Variants in CACNG5 observed in about 807,000 individuals in gnomAD.
CACNG5 encodes voltage-dependent calcium channel gamma-5 subunit.
Under a neutral mutation model 24.8 loss-of-function variants are expected in CACNG5, and 18 were observed. That is an observed-to-expected ratio of 0.73 (90% CI 0.50 to 1.08). The LOEUF (loss-of-function observed/expected upper bound fraction) is 1.08, where lower values mean the gene tolerates loss of function less well. CACNG5 is among the 50% of genes least tolerant of loss of function. The pLI is 0.00. For synonymous variants in CACNG5, 157 were observed against 149.1 expected, an observed-to-expected ratio of 1.05 and a Z score of -0.39; for missense variants, 349 against 367.9, an observed-to-expected ratio of 0.95 and a Z score of 0.42.
At chr17:66,874,384 A>G (rs1412561686) in intron 1 of CACNG5, among the ~76,000 whole-genome samples, 1 of 152,198 alleles carries the variant, frequency 6.6e-6, no homozygotes, top group Admixed American at 6.5e-5. Context: ...ATTTATAAAG[A>G]AAAGAGGTTT....
intron 1 of CACNG5, among the ~76,000 whole-genome samples, chr17:66,847,133 G>A (rs1221853063): frequency 6.6e-6 from 1 of 152,178 alleles, no homozygotes; most frequent in African/African-American, 2.4e-5. Context: ...TCAGAGGCTT[G>A]AGGCTTGAAG....
chr17:66,878,872 G>A, intron 2 of CACNG5, 100 bp from the exon 3 acceptor site: 2 of 994,346 alleles, frequency 2.0e-6, no homozygotes, highest in Non-Finnish European at 3.1e-6. Flanking sequence ...GACACAGCAG[G>A]TCAAAGATCC....
At chr17:66,878,245 A>G (rs560579820) in intron 2 of CACNG5, among the ~76,000 whole-genome samples, 3 of 152,344 alleles carry the variant, frequency 2.0e-5, no homozygotes, top group African/African-American at 4.8e-5. Flanking sequence ...AAGTCATACA[A>G]GAATAGCTGC....
chr17:66,858,682 C>T (rs1976815009), intron 1 of CACNG5, among the ~76,000 whole-genome samples: 1 of 140,156 alleles, frequency 7.1e-6, no homozygotes. Context: ...GCCCCCCCTC[C>T]CTCCCCCCAC....
At chr17:66,865,895 C>A (rs1221750974) in intron 1 of CACNG5, among the ~76,000 whole-genome samples, 5 of 151,648 alleles carry the variant, frequency 3.3e-5, no homozygotes, top group African/African-American at 1.2e-4. Flanking sequence ...CCCACCTCAG[C>A]CTCCCAAAGT....
chr17:66,850,003 G>T (rs1976692315), intron 1 of CACNG5, among the ~76,000 whole-genome samples: 1 of 152,204 alleles, frequency 6.6e-6, no homozygotes, highest in African/African-American at 2.4e-5. Context: ...TTCAGGAGGT[G>T]GGTCCCGGTA....
chr17:66,877,598 G>A, intron 2 of CACNG5, 70 bp downstream of exon 2: 1 of 1,335,510 alleles, frequency 7.5e-7, no homozygotes, highest in Non-Finnish European at 1.1e-6. Context: ...CCCTCCCTGG[G>A]AAGAGATGGC....
chr17:66,878,179 T>C (rs1253477555), intron 2 of CACNG5, among the ~76,000 whole-genome samples: 2 of 152,230 alleles, frequency 1.3e-5, no homozygotes, highest in African/African-American at 4.8e-5. Flanking sequence ...CCAAGAATTC[T>C]ATCCTTTATC....
chr17:66,838,180 C>T (rs2144493638), intron 1 of CACNG5, among the ~76,000 whole-genome samples: 1 of 151,876 alleles, frequency 6.6e-6, no homozygotes, highest in Middle Eastern at 3.4e-3. Context: ...AGCAAAATGA[C>T]AGAGTATACC....
chr17:66,839,856 G>A (rs1028997558), intron 1 of CACNG5, among the ~76,000 whole-genome samples: 6 of 152,148 alleles, frequency 3.9e-5, no homozygotes, highest in Middle Eastern at 3.2e-3. Context: ...AAGTCCTGTC[G>A]GGTAAGTGTT....
chr17:66,877,108 G>A, intron 1 of CACNG5, 122 bp from the exon 2 acceptor site: 3 of 521,104 alleles, frequency 5.8e-6, no homozygotes, highest in Non-Finnish European at 1.0e-5. Flanking sequence ...GGGTTAGGGG[G>A]AGGGTGGCAC....
intron 1 of CACNG5, among the ~76,000 whole-genome samples, chr17:66,849,218 C>T (rs908512945): frequency 3.9e-5 from 6 of 152,160 alleles, no homozygotes; most frequent in African/African-American, 9.7e-5. Flanking sequence ...CCTCTTCCCT[C>T]CGGATGGGAA....
In CACNG5 at chr17:66,859,301, C is replaced by T. The variant is rs115349423; in HGVS notation, c.-103-17929C>T. On this transcript the variant is annotated intron_variant, in intron 1 of 5. Transcript: ENST00000533854. Reference sequence around the variant, plus strand: ...AACTCAGGGCTTATGGCTGTTGTGTCTGGACCCCCAGCAACCTGTCTAGTT... The same window carrying T: ...AACTCAGGGCTTATGGCTGTTGTGTTTGGACCCCCAGCAACCTGTCTAGTT... Among the ~76,000 whole-genome samples the T allele has an allele frequency of 7.4e-3, 1,119 of 152,230 alleles. 16 individuals carry two copies. Among genetic ancestry groups the T allele is most frequent in the African/African-American group, 0.025 (1,057 of 41,526 alleles).
intron 1 of CACNG5, among the ~76,000 whole-genome samples, chr17:66,857,151 G>C (rs538648675): frequency 8.3e-6 from 1 of 120,720 alleles, no homozygotes; most frequent in Non-Finnish European, 1.6e-5. Flanking sequence ...CCTCCTCCCC[G>C]TGGCTCAAGG....
At chr17:66,862,597 T>C (rs1201996284) in intron 1 of CACNG5, among the ~76,000 whole-genome samples, 1 of 152,184 alleles carries the variant, frequency 6.6e-6, no homozygotes, top group Admixed American at 6.5e-5. Context: ...CTTCGTCATA[T>C]GTAATAGTTA....
rs3760264 is a variant in CACNG5 at position 66,875,826 on chromosome 17, C to T, written c.-103-1404C>T. Among the ~76,000 whole-genome samples the T allele has an allele frequency of 7.4e-4, 112 of 152,198 alleles. 1 individual carries two copies. The highest frequency in any genetic ancestry group is 1.0e-3 in the Non-Finnish European group (68 of 68,028). On this transcript the variant is annotated intron_variant, in intron 1 of 5. Transcript: ENST00000533854. ...TGAAAGATGCCGACAGGATAGCAAA[C>T]TTGCAGCCAAGGGTGGCTTGGGTGA...
At chr17:66,879,275 T>C (rs12942124) in intron 3 of CACNG5, among the ~76,000 whole-genome samples, 5,421 of 152,314 alleles carry the variant, frequency 0.036, 133 homozygotes, top group Non-Finnish European at 0.048. Flanking sequence ...CAGGCATCAA[T>C]CAGGGAACTG....
At chr17:66,884,911 T>C in intron 5 of CACNG5, 72 bp from the exon 6 acceptor site, 2 of 1,613,856 alleles carry the variant, frequency 1.2e-6, no homozygotes, top group Non-Finnish European at 1.7e-6. Flanking sequence ...CTGTGTCCTG[T>C]GCAGACCCCA....
At chr17:66,860,835 C>T (rs1000952418) in intron 1 of CACNG5, among the ~76,000 whole-genome samples, 9 of 151,332 alleles carry the variant, frequency 5.9e-5, no homozygotes, top group Non-Finnish European at 1.3e-4. Context: ...TTTCTTAAAA[C>T]ATTATATAAG....
Sources: gnomAD v4.1 joint callset for allele counts (sites outside exome capture counted in the v4.1 genomes callset) on GRCh38, gnomAD v4.1.1 for gene constraint, MANE v1.5 for transcripts, NCBI Gene and HGNC (gene_info 2026-07-23, HGNC 2026-07-21) for gene names.